The following WDR49 variants were observed in gnomAD, a reference collection of about 807,000 sequenced individuals.
WDR49 encodes WD repeat domain 49, also known as cilia- and flagella-associated protein 337.
Under a neutral mutation model 119.5 loss-of-function variants are expected in WDR49, and 107 were observed. The observed-to-expected ratio is 0.90, with a 90% CI of 0.77 to 1.05. The LOEUF (loss-of-function observed/expected upper bound fraction) is 1.05, where lower values mean the gene tolerates loss of function less well. Among genes scored for constraint, WDR49 ranks in the 50% least tolerant of loss-of-function variants. The pLI is 0.00. For synonymous variants in WDR49, 425 were observed against 418.8 expected, an observed-to-expected ratio of 1.01 and a Z score of -0.18; for missense variants, 1,240 against 1,220.5, an observed-to-expected ratio of 1.02 and a Z score of -0.24.
At chr3:167,603,848 G>C (rs1275017732) in intron 6 of WDR49, among the ~76,000 whole-genome samples, 2 of 151,976 alleles carry the variant, frequency 1.3e-5, no homozygotes, top group South Asian at 2.1e-4. Context: ...ATTCTGAAAG[G>C]TAATTGAAAA....
At chr3:167,517,589 G>A (rs920574649) in intron 16 of WDR49, among the ~76,000 whole-genome samples, 1 of 151,938 alleles carries the variant, frequency 6.6e-6, no homozygotes, top group Non-Finnish European at 1.5e-5. Context: ...TCTAGGCAAT[G>A]TGATTCAGGA....
intron 7 of WDR49, among the ~76,000 whole-genome samples, chr3:167,588,719 T>C (rs1445109074): frequency 6.6e-6 from 1 of 152,168 alleles, no homozygotes. Flanking sequence ...TTCATATGCC[T>C]GTTTGCCATT....
Position 167,627,308 on chromosome 3 carries a change from C to G in WDR49, c.166-16G>C. The stretch of plus-strand genomic sequence containing the variant: ...GCTGTGGGGACTAGAAACAGGAATC[C>G]AAAAACAATAATGAGACAACAGTGA... On this transcript the variant is annotated splice_polypyrimidine_tract_variant and intron_variant, in intron 2 of 18. Transcript: ENST00000682715. 1 of 1,234,546 alleles carries G rather than the reference C, an allele frequency of 8.1e-7. No homozygotes were observed. The highest frequency in any genetic ancestry group is 4.1e-5 in the South Asian group (1 of 24,490). The allele number at this position is 1,234,546 out of a possible 1,614,324, so 76.5% of individuals were successfully genotyped here.
At chr3:167,526,431 C>T (rs1752631451) in intron 15 of WDR49, among the ~76,000 whole-genome samples, 1 of 152,072 alleles carries the variant, frequency 6.6e-6, no homozygotes, top group Admixed American at 6.6e-5. Flanking sequence ...TTCAAACCTC[C>T]ACCTCATCTT....
chr3:167,482,576 G>A (rs1217313603), intron 18 of WDR49, among the ~76,000 whole-genome samples: 2 of 151,774 alleles, frequency 1.3e-5, no homozygotes, highest in African/African-American at 2.4e-5. Context: ...CTACTCGGGA[G>A]GCTGAGGCAG....
At chr3:167,570,303 G>A (rs1360727067) in intron 8 of WDR49, among the ~76,000 whole-genome samples, 1 of 152,164 alleles carries the variant, frequency 6.6e-6, no homozygotes, top group Admixed American at 6.5e-5. Flanking sequence ...CCTCAAGCCT[G>A]TCCTCTTTTC....
intron 8 of WDR49, among the ~76,000 whole-genome samples, chr3:167,560,524 C>A (rs1004239719): frequency 2.0e-5 from 3 of 152,112 alleles, no homozygotes; most frequent in Admixed American, 2.0e-4. Flanking sequence ...AATAAACTTA[C>A]GAATCTTTCC....
chr3:167,595,459 C>T (rs1230199237), intron 7 of WDR49, among the ~76,000 whole-genome samples: 2 of 152,208 alleles, frequency 1.3e-5, no homozygotes, highest in African/African-American at 4.8e-5. Flanking sequence ...CACTACCTGA[C>T]TTCAAACTAT....
chr3:167,604,261 T>G (rs756441982), intron 6 of WDR49, 40 bp downstream of exon 6: 2 of 1,605,566 alleles, frequency 1.2e-6, no homozygotes, highest in South Asian at 2.2e-5. Context: ...CCCAGACTAT[T>G]TATGAGGCCC....
chr3:167,557,770 C>G (rs1247656136), intron 9 of WDR49, among the ~76,000 whole-genome samples: 1 of 130,642 alleles, frequency 7.7e-6, no homozygotes, highest in African/African-American at 2.7e-5. Context: ...AAAAAAAAAT[C>G]AGGATAAGAG....
chr3:167,650,226 C>T (rs1718310801), intron 2 of WDR49, among the ~76,000 whole-genome samples: 1 of 152,166 alleles, frequency 6.6e-6, no homozygotes, highest in Admixed American at 6.5e-5. Flanking sequence ...CACAGCTACT[C>T]TTCCTCAAAC....
At chr3:167,493,812 T>C (rs2108201991) in intron 18 of WDR49, among the ~76,000 whole-genome samples, 1 of 152,328 alleles carries the variant, frequency 6.6e-6, no homozygotes, top group Non-Finnish European at 1.5e-5. Flanking sequence ...AGGTGTCAGC[T>C]TTCTTTAGTA....
chr3:167,500,332 G>A (rs995498327), intron 17 of WDR49, 33 bp from the exon 18 acceptor site: 10 of 1,597,018 alleles, frequency 6.3e-6, no homozygotes, highest in Middle Eastern at 1.7e-4. Flanking sequence ...GGAAGACAGG[G>A]AGAAAAAGGG....
chr3:167,621,203 G>C (rs1030047337), intron 4 of WDR49, among the ~76,000 whole-genome samples: 4 of 151,866 alleles, frequency 2.6e-5, no homozygotes, highest in African/African-American at 9.7e-5. Context: ...GGTGAAAAAG[G>C]TTAGCAAGAT....
Position 167,505,317 on chromosome 3 carries a change from T to C in WDR49, c.2874A>G (p.Lys958=). The C allele has an allele frequency of 6.6e-7, 1 of 1,515,914 alleles. No individual in the cohort carries two copies. The highest frequency in any genetic ancestry group is 2.4e-5 in the East Asian group (1 of 41,384). 93.9% of individuals were successfully genotyped at this position (1,515,914 alleles called of 1,614,324 possible). ...TQKPYYGEVI[K]KSFSTFRSLN... ...ACAGTGACTACTTACTGAATGATTT[T>C]TTTATAACTTCACCATAATAAGGTT... is the stretch of plus-strand genomic sequence containing the variant. Residue 958 remains lysine (K), a synonymous_variant, in exon 17 of 19, where the codon AAA becomes AAG. Coordinates refer to ENST00000682715, the MANE Select transcript of WDR49 (RefSeq NM_001366157.1).
intron 10 of WDR49, among the ~76,000 whole-genome samples, chr3:167,541,047 A>C (rs1216089074): frequency 6.6e-6 from 1 of 152,054 alleles, no homozygotes; most frequent in African/African-American, 2.4e-5. Flanking sequence ...AAGAAATTTG[A>C]GATTATATTA....
At chr3:167,580,766 C>T (rs1344553274) in intron 7 of WDR49, among the ~76,000 whole-genome samples, 1 of 152,040 alleles carries the variant, frequency 6.6e-6, no homozygotes, top group African/African-American at 2.4e-5. Flanking sequence ...GAGAATCCTG[C>T]GTTCTCACCT....
At chr3:167,592,437 C>CTTT (rs372398450) in intron 7 of WDR49, among the ~76,000 whole-genome samples, 26 of 133,344 alleles carry the variant, frequency 1.9e-4, no homozygotes, top group African/African-American at 6.1e-4. Flanking sequence ...TTTTCTTTTT[C>CTTT]TTTTTTTTTT....
At position 167,554,696 on chromosome 3, in the gene WDR49, T is replaced by C. The variant is rs1290833246; in HGVS notation, c.1777A>G (p.Thr593Ala). 1 of 1,612,526 alleles carries C rather than the reference T, an allele frequency of 6.2e-7. No individual in the cohort carries two copies. Among genetic ancestry groups the C allele is most frequent in the East Asian group, 2.2e-5 (1 of 44,812 alleles). The change falls in exon 10 of 19, where the codon ACA (threonine) becomes GCA (alanine). Residue 593 changes from threonine to alanine, a missense_variant. By Grantham distance (58) the Thr-to-Ala change is moderately conservative. Coordinates refer to ENST00000682715, the MANE Select transcript of WDR49 (RefSeq NM_001366157.1). ...ILILKKKILV[T>A]GWERYDYASW... The stretch of plus-strand genomic sequence containing the variant: ...GCATAATCATACCTCTCCCAGCCTG[T>C]AACCAGTATTTTCTTCTTAAGAATG...
Sources: allele counts gnomAD v4.1 joint callset (sites outside exome capture counted in the v4.1 genomes callset), GRCh38; gene constraint gnomAD v4.1.1; transcripts MANE v1.5; gene names NCBI Gene and HGNC (gene_info 2026-07-23, HGNC 2026-07-21).